Variants in LRRC49 observed in about 807,000 individuals in gnomAD.
LRRC49 encodes leucine-rich repeat-containing protein 49.
Under a neutral mutation model 83.3 loss-of-function variants are expected in LRRC49, and 50 were observed. That is an observed-to-expected ratio of 0.60 (90% confidence interval 0.48 to 0.76). LRRC49 has a LOEUF of 0.76. Among genes scored for constraint, LRRC49 ranks in the 30% least tolerant of loss-of-function variants. The probability of loss-of-function intolerance (pLI) is 0.00; values close to 1 mark genes in which losing one functional copy is unlikely to be tolerated. For missense variants in LRRC49, 704 were observed against 809.1 expected (o/e 0.87, Z 1.58); for synonymous variants, 286 against 283.3 (o/e 1.01, Z -0.10).
At chr15:70,975,237 T>G (rs1355393585) in intron 9 of LRRC49, among the ~76,000 whole-genome samples, 1 of 152,098 alleles carries the variant, frequency 6.6e-6, no homozygotes, top group African/African-American at 2.4e-5. Flanking sequence ...AAGGAAGATA[T>G]CCCAGTGATC....
intron 4 of LRRC49, 116 bp from the exon 5 acceptor site, chr15:70,904,436 C>T: frequency 1.5e-6 from 1 of 665,802 alleles, no homozygotes; most frequent in Non-Finnish European, 2.6e-6. Flanking sequence ...TGGAAGTGGT[C>T]CAACTTATTT....
intron 1 of LRRC49, chr15:70,860,003 A>T: frequency 1.3e-6 from 1 of 752,092 alleles, no homozygotes; most frequent in South Asian, 1.4e-5. Flanking sequence ...TGGGGACCTC[A>T]CAAGCCCCGG....
rs528976444 is a variant in LRRC49 at position 70,894,361 on chromosome 15, C to A, written c.105+721C>A. ...TAATTGGGAGGGCATATCCACACAT[C>A]CCATTTAAAATCAGGGAAGAAAAAA... On this transcript the variant is annotated intron_variant, in intron 2 of 15. Coordinates refer to ENST00000260382, the MANE Select transcript of LRRC49 (RefSeq NM_017691.5). Among the ~76,000 whole-genome samples the A allele has an allele frequency of 2.1e-4, 32 of 152,152 alleles. No homozygotes were observed. In the South Asian group the frequency reaches 6.2e-3, roughly 30 times the overall value.
At chr15:70,932,317 C>A (rs980882357) in intron 7 of LRRC49, among the ~76,000 whole-genome samples, 2 of 152,074 alleles carry the variant, frequency 1.3e-5, no homozygotes, top group African/African-American at 4.8e-5. Context: ...GTCTGTGTCA[C>A]AAAGTGATAG....
intron 2 of LRRC49, among the ~76,000 whole-genome samples, chr15:70,878,683 TG>T: frequency 6.6e-6 from 1 of 152,358 alleles, no homozygotes; most frequent in Middle Eastern, 3.4e-3. Flanking sequence ...TTTTGTCAAA[TG>T]TTTTTTAAAT....
chr15:70,888,912 C>G (rs2141090166), upstream of LRRC49, among the ~76,000 whole-genome samples: 1 of 152,280 alleles, frequency 6.6e-6, no homozygotes, highest in East Asian at 1.9e-4. Flanking sequence ...TTACTACGCA[C>G]TCTGCAAATG....
chr15:70,959,919 A>G (rs540249804), intron 8 of LRRC49, among the ~76,000 whole-genome samples: 4 of 152,222 alleles, frequency 2.6e-5, no homozygotes, highest in African/African-American at 9.6e-5. Context: ...TATCATTTTT[A>G]TTCATAATGC....
At chr15:70,882,688 T>A (rs755696347) in intron 2 of LRRC49, 54 of 1,611,730 alleles carry the variant, frequency 3.4e-5, no homozygotes, top group Non-Finnish European at 4.4e-5. Context: ...TGAGTTAGAC[T>A]TTGCTTTTCA....
chr15:70,907,778 G>A, intron 5 of LRRC49: 1 of 359,096 alleles, frequency 2.8e-6, no homozygotes, highest in Non-Finnish European at 5.5e-6. Flanking sequence ...TGATGGGTGA[G>A]CCTCATCTTT....
chr15:70,990,056 C>A (rs886575705), intron 11 of LRRC49, among the ~76,000 whole-genome samples: 1 of 152,144 alleles, frequency 6.6e-6, no homozygotes, highest in Non-Finnish European at 1.5e-5. Context: ...GGGGTGCCTC[C>A]CAGTTAGGCT....
chr15:70,867,671 G>C (rs897235501), intron 1 of LRRC49, among the ~76,000 whole-genome samples: 1 of 152,208 alleles, frequency 6.6e-6, no homozygotes, highest in Non-Finnish European at 1.5e-5. Flanking sequence ...TTCTGAAGAT[G>C]CCATGGGCCT....
intron 8 of LRRC49, among the ~76,000 whole-genome samples, chr15:70,944,221 C>T (rs889375920): frequency 4.6e-5 from 7 of 152,016 alleles, no homozygotes; most frequent in Admixed American, 6.5e-5. Context: ...CCCTCCAGGA[C>T]GGAAAGAGAG....
chr15:70,904,991 T>G (rs1206678630), intron 5 of LRRC49, among the ~76,000 whole-genome samples: 1 of 152,236 alleles, frequency 6.6e-6, no homozygotes, highest in East Asian at 1.9e-4. Flanking sequence ...CTTTCCAGTG[T>G]TGTATCTTAT....
chr15:70,879,389 A>C (rs897893268), intron 2 of LRRC49, among the ~76,000 whole-genome samples: 1 of 152,042 alleles, frequency 6.6e-6, no homozygotes, highest in Admixed American at 6.5e-5. Context: ...ACACTTTCTA[A>C]TTTCTTCACA....
At chr15:70,975,465 G>A (rs1326555036) in intron 9 of LRRC49, among the ~76,000 whole-genome samples, 1 of 152,068 alleles carries the variant, frequency 6.6e-6, no homozygotes, top group Non-Finnish European at 1.5e-5. Flanking sequence ...GGCCAAGGTG[G>A]GCAGATCACT....
At chr15:71,047,643 T>C (rs2039891140) in intron 15 of LRRC49, among the ~76,000 whole-genome samples, 1 of 152,234 alleles carries the variant, frequency 6.6e-6, no homozygotes, top group Non-Finnish European at 1.5e-5. Flanking sequence ...TAGTTTGACT[T>C]CTTTTCCTAT....
At chr15:70,914,911 C>T (rs1567049748) in intron 6 of LRRC49, among the ~76,000 whole-genome samples, 2 of 152,208 alleles carry the variant, frequency 1.3e-5, no homozygotes. Context: ...TACTCTCATA[C>T]ACAAAGGTTA....
chr15:70,952,834 T>C (rs1422569929), intron 8 of LRRC49, among the ~76,000 whole-genome samples: 1 of 152,178 alleles, frequency 6.6e-6, no homozygotes, highest in East Asian at 1.9e-4. Context: ...GGTGTGTATA[T>C]ATTTAAAATA....
intron 8 of LRRC49, among the ~76,000 whole-genome samples, chr15:70,959,376 A>G (rs562367643): frequency 5.0e-4 from 76 of 152,208 alleles, no homozygotes; most frequent in African/African-American, 1.7e-3. Context: ...CTGTAATCCC[A>G]GCTACTCGGG....
Sources: allele counts gnomAD v4.1 joint callset (sites outside exome capture counted in the v4.1 genomes callset), GRCh38; gene constraint gnomAD v4.1.1; transcripts MANE v1.5; gene names NCBI Gene and HGNC (gene_info 2026-07-23, HGNC 2026-07-21).